The following ADGRD1 variants were observed in gnomAD, a reference collection of about 807,000 sequenced individuals.
The protein encoded by ADGRD1 is G-protein coupled receptor 133.
Under a neutral mutation model 113.4 loss-of-function variants are expected in ADGRD1, and 77 were observed. That is an observed-to-expected ratio of 0.68 (90% confidence interval 0.57 to 0.82). The LOEUF is 0.82. ADGRD1 is among the 40% of genes least tolerant of loss of function. ADGRD1 has a pLI of 0.00. For synonymous variants in ADGRD1, 474 were observed against 475.0 expected, an observed-to-expected ratio of 1.00 and a Z score of 0.03; for missense variants, 1,036 against 1,139.1, an observed-to-expected ratio of 0.91 and a Z score of 1.30.
chr12:131,040,274 G>A (rs1239523976), intron 13 of ADGRD1, among the ~76,000 whole-genome samples: 1 of 152,150 alleles, frequency 6.6e-6, no homozygotes, highest in Admixed American at 6.5e-5. Flanking sequence ...TCTCCCTCCT[G>A]CTCTTCATCC....
At chr12:131,079,040 G>A (rs183163381) in intron 14 of ADGRD1, among the ~76,000 whole-genome samples, 6 of 152,208 alleles carry the variant, frequency 3.9e-5, no homozygotes, top group East Asian at 3.9e-4. Flanking sequence ...TGCAAGCACC[G>A]ATTTGTCTTC....
At chr12:131,106,908 A>G (rs1395277090) in intron 17 of ADGRD1, among the ~76,000 whole-genome samples, 1 of 152,208 alleles carries the variant, frequency 6.6e-6, no homozygotes, top group Non-Finnish European at 1.5e-5. Flanking sequence ...GATTCCTTAC[A>G]GTGCAGATTT....
intron 8 of ADGRD1, among the ~76,000 whole-genome samples, chr12:130,993,031 G>T (rs906864917): frequency 5.3e-5 from 8 of 152,148 alleles, no homozygotes; most frequent in Non-Finnish European, 1.0e-4. Context: ...TAGGAGCAGG[G>T]TATATGAAGT....
In ADGRD1 at chr12:130,971,220, T is replaced by C. The variant is rs563298133; in HGVS notation, c.188-238T>C. On this transcript the variant is annotated intron_variant, in intron 3 of 24. Transcript: ENST00000261654. This position sits in a 1 kb window ranked among gnomAD's most constrained non-coding sequence, Gnocchi z 4.2. ...TGCATATTATATACAAATACATTAA[T>C]ATCATTTAATATTAAATTTTTATCT... The C allele has an allele frequency of 1.7e-3, 354 of 205,618 alleles. 4 individuals carry two copies. Among genetic ancestry groups the C allele is most frequent in the African/African-American group, 8.0e-3 (338 of 42,242 alleles). The allele number at this position is 205,618 out of a possible 1,614,324, so 12.7% of individuals were successfully genotyped here.
chr12:131,032,626 A>G (rs1421604217), intron 13 of ADGRD1, among the ~76,000 whole-genome samples: 1 of 152,120 alleles, frequency 6.6e-6, no homozygotes, highest in Non-Finnish European at 1.5e-5. Context: ...TCCTCTCCCT[A>G]TGGTGGGGCA....
At chr12:131,129,932 G>A (rs1179748759) in intron 20 of ADGRD1, among the ~76,000 whole-genome samples, 2 of 152,248 alleles carry the variant, frequency 1.3e-5, no homozygotes, top group Non-Finnish European at 2.9e-5. Flanking sequence ...GAGGGCATGG[G>A]CCGCACTCAC....
intron 3 of ADGRD1, chr12:130,968,988 C>T: frequency 6.5e-7 from 1 of 1,533,638 alleles, no homozygotes; most frequent in Non-Finnish European, 8.7e-7. Context: ...GTCCCGAACC[C>T]ACAAGCTCAC....
At chr12:130,962,364 G>A (rs1199574437) in intron 2 of ADGRD1, 1 of 152,334 alleles carries the variant, frequency 6.6e-6, no homozygotes, top group South Asian at 2.1e-4. Context: ...AGGACTGATT[G>A]TGGCCATTTG....
intron 15 of ADGRD1, among the ~76,000 whole-genome samples, chr12:131,089,462 T>C (rs1886750210): frequency 6.6e-6 from 1 of 152,226 alleles, no homozygotes; most frequent in East Asian, 1.9e-4. Flanking sequence ...GCCGACCACC[T>C]GGGAGTAAGG....
intron 13 of ADGRD1, among the ~76,000 whole-genome samples, chr12:131,044,817 C>T (rs1378900556): frequency 6.6e-6 from 1 of 152,258 alleles, no homozygotes; most frequent in East Asian, 1.9e-4. Context: ...TTCCTTCCAG[C>T]ACACAGAGCT....
chr12:131,078,910 T>C (rs1885854292), intron 14 of ADGRD1, among the ~76,000 whole-genome samples: 1 of 152,152 alleles, frequency 6.6e-6, no homozygotes, highest in South Asian at 2.1e-4. Context: ...TACAGTTCTG[T>C]GAGTTTTGAC....
intron 15 of ADGRD1, among the ~76,000 whole-genome samples, chr12:131,102,426 G>T (rs774867967): frequency 6.6e-6 from 1 of 152,216 alleles, no homozygotes; most frequent in Non-Finnish European, 1.5e-5. Context: ...CTCCCACAAG[G>T]CCCCTTCTGC....
chr12:131,092,562 C>G (rs944280390), intron 15 of ADGRD1, among the ~76,000 whole-genome samples: 1 of 152,156 alleles, frequency 6.6e-6, no homozygotes, highest in Non-Finnish European at 1.5e-5. Context: ...TGGCCACTTC[C>G]TCCCAGGCGG....
intron 3 of ADGRD1, chr12:130,967,338 G>C (rs955135897): frequency 5.8e-6 from 1 of 172,318 alleles, no homozygotes; most frequent in Non-Finnish European, 1.3e-5. Context: ...TTTGCTGGTA[G>C]GAGAAACCTC....
Position 130,991,084 on chromosome 12 carries a change from C to A in ADGRD1, c.810+6C>A. ...CATCCACAGCAAGCCCCGTGGTGAG[C>A]AGACACATCTTCCTTGGTCCCCCTT... On this transcript the variant is annotated splice_donor_region_variant and intron_variant, in intron 7 of 24. Transcript: ENST00000261654. The A allele has an allele frequency of 6.2e-7, 1 of 1,612,314 alleles. No individual in the cohort carries two copies. The highest frequency in any genetic ancestry group is 8.5e-7 in the Non-Finnish European group (1 of 1,178,424).
intron 12 of ADGRD1, among the ~76,000 whole-genome samples, chr12:131,010,770 A>G (rs1151356): frequency 0.64 from 96,808 of 151,874 alleles, 31,508 homozygotes; most frequent in East Asian, 0.81. Flanking sequence ...TCTGGGGGAC[A>G]GCACAGTCAC....
chr12:131,094,892 G>A (rs1463968927), intron 15 of ADGRD1, among the ~76,000 whole-genome samples: 3 of 152,182 alleles, frequency 2.0e-5, no homozygotes. Context: ...GCTGGGGATG[G>A]GAGCTGGGAG....
intron 12 of ADGRD1, among the ~76,000 whole-genome samples, chr12:131,009,894 G>A (rs138339233): frequency 1.1e-3 from 165 of 152,312 alleles, no homozygotes; most frequent in African/African-American, 3.8e-3. Context: ...GAGAGTGTAG[G>A]TGAAGCCTAT....
intron 18 of ADGRD1, among the ~76,000 whole-genome samples, chr12:131,117,027 T>C (rs985104621): frequency 6.6e-5 from 10 of 152,272 alleles, no homozygotes; most frequent in Admixed American, 1.3e-4. Flanking sequence ...CAATGCGATC[T>C]TCCTTTTGGA....
Sources: gnomAD v4.1 joint callset for allele counts (sites outside exome capture counted in the v4.1 genomes callset) on GRCh38, gnomAD v4.1.1 for gene constraint, Gnocchi (gnomAD v3.1) non-coding constraint, MANE v1.5 for transcripts, NCBI Gene and HGNC (gene_info 2026-07-23, HGNC 2026-07-21) for gene names.